Variants in CBFA2T2 observed in about 807,000 individuals in gnomAD.
CBFA2T2 encodes CBFA2/RUNX1 partner transcriptional co-repressor 2, also known as protein CBFA2T2.
A neutral mutation model predicts 62.2 loss-of-function variants in CBFA2T2; 11 were observed. The ratio of observed to expected loss-of-function variants is 0.18; its 90% CI spans 0.11 to 0.29. CBFA2T2 has a LOEUF of 0.29. Ranked by LOEUF, CBFA2T2 falls within the 10% of genes least tolerant of loss-of-function variation. The pLI is 1.00. For synonymous variants in CBFA2T2, 295 were observed against 287.5 expected, an observed-to-expected ratio of 1.03 and a Z score of -0.27; for missense variants, 592 against 774.1, an observed-to-expected ratio of 0.76 and a Z score of 2.79.
In CBFA2T2 at chr20:33,502,004, G is replaced by A. The variant is rs2011293928; in HGVS notation, c.34+11703G>A. Among the ~76,000 whole-genome samples, 3 of 152,220 alleles carry A rather than the reference G, an allele frequency of 2.0e-5. No homozygotes were observed. The South Asian group carries it at 6.2e-4, about 32-fold the overall frequency. On this transcript the variant is annotated intron_variant, in intron 1 of 10. Transcript: ENST00000342704. ...GAGGTCTCACTTTGTTGCCCAGGCTGATCTCAAACTCCTGGGCTCAAGTTA... is the reference window on the plus strand; with the variant it reads ...GAGGTCTCACTTTGTTGCCCAGGCTAATCTCAAACTCCTGGGCTCAAGTTA...
chr20:33,550,437 C>G (rs1291580827), intron 1 of CBFA2T2, among the ~76,000 whole-genome samples: 2 of 152,078 alleles, frequency 1.3e-5, no homozygotes, highest in Admixed American at 1.3e-4. Flanking sequence ...TAAGCTAATG[C>G]TTTGTGGTTT....
At chr20:33,494,514 C>T (rs1280326897) in intron 1 of CBFA2T2, among the ~76,000 whole-genome samples, 2 of 149,294 alleles carry the variant, frequency 1.3e-5, no homozygotes, top group African/African-American at 4.9e-5. Context: ...ATCTGCTGAC[C>T]TCGTGATCCG....
chr20:33,514,413 C>T (rs937572054), intron 1 of CBFA2T2, among the ~76,000 whole-genome samples: 3 of 151,640 alleles, frequency 2.0e-5, no homozygotes, highest in East Asian at 1.9e-4. Context: ...CGGGGTTTCA[C>T]CATGTCTGGA....
rs528639119 is a variant in CBFA2T2 at position 33,565,205 on chromosome 20, C to T, written c.35-41751C>T. The stretch of plus-strand genomic sequence containing the variant: ...AAGTGCTGGGATTGTAGGTGTGAGC[C>T]ACTGCGCCCGGCTCCAAGTTTTCTT... On this transcript the variant is annotated intron_variant, in intron 1 of 10. Transcript: ENST00000342704. Among the ~76,000 whole-genome samples the T allele has an allele frequency of 1.7e-3, 253 of 152,310 alleles. 1 individual carries two copies. Among genetic ancestry groups the T allele is most frequent in the African/African-American group, 5.9e-3 (244 of 41,570 alleles).
At chr20:33,520,886 A>G (rs2011709527) in intron 1 of CBFA2T2, among the ~76,000 whole-genome samples, 1 of 151,568 alleles carries the variant, frequency 6.6e-6, no homozygotes, top group East Asian at 1.9e-4. Context: ...TCAGGAAATA[A>G]TCACTGTTTT....
intron 1 of CBFA2T2, among the ~76,000 whole-genome samples, chr20:33,518,939 A>G (rs1302918647): frequency 5.3e-5 from 8 of 151,862 alleles, no homozygotes; most frequent in Non-Finnish European, 1.2e-4. Context: ...CTCCTCCCTC[A>G]GCCTCCCAAG....
chr20:33,603,556 G>A (rs944077906), intron 1 of CBFA2T2, among the ~76,000 whole-genome samples: 1 of 152,126 alleles, frequency 6.6e-6, no homozygotes, highest in African/African-American at 2.4e-5. Context: ...AACTCATAGG[G>A]TGACTAAATT....
At chr20:33,627,403 G>A (rs925914503) in intron 6 of CBFA2T2, among the ~76,000 whole-genome samples, 13 of 151,816 alleles carry the variant, frequency 8.6e-5, no homozygotes, top group African/African-American at 2.4e-4. Flanking sequence ...CAAGGGGGGG[G>A]AAAAAAACTG....
intron 1 of CBFA2T2, among the ~76,000 whole-genome samples, chr20:33,568,898 G>A (rs770903780): frequency 1.3e-5 from 2 of 152,218 alleles, no homozygotes; most frequent in South Asian, 2.1e-4. Context: ...CTCAGTTGGC[G>A]CTACAACTGT....
chr20:33,603,785 T>C (rs1257487715), intron 1 of CBFA2T2, among the ~76,000 whole-genome samples: 1 of 152,204 alleles, frequency 6.6e-6, no homozygotes, highest in Non-Finnish European at 1.5e-5. Flanking sequence ...TTTAATGGGA[T>C]CCAGCTAGAA....
In CBFA2T2 at chr20:33,619,505, T is replaced by A; in HGVS notation, c.421-12T>A. 1 of 1,539,650 alleles carries A rather than the reference T, an allele frequency of 6.5e-7. No individual in the cohort carries two copies. Among genetic ancestry groups the A allele is most frequent in the South Asian group, 1.2e-5 (1 of 80,774 alleles). On this transcript the variant is annotated splice_polypyrimidine_tract_variant and intron_variant, in intron 3 of 10. Coordinates refer to ENST00000342704, the MANE Select transcript of CBFA2T2 (RefSeq NM_001032999.3). ...AGTTTTGGAAGTTGAACAAGGTTAT[T>A]TATCTTTTCAGAACTCAACAGTGAC...
In CBFA2T2 at chr20:33,621,287, C is replaced by CTTTTTTTTTTTT. The variant is rs199805350; in HGVS notation, c.510+1696_510+1707dup. On this transcript the variant is annotated intron_variant, in intron 4 of 10. Coordinates refer to ENST00000342704, the MANE Select transcript of CBFA2T2 (RefSeq NM_001032999.3). ...TCTATAATACCTTTAATTTTACTGCCTTTTTTTTTTTTTTTTTTTTTTTTT... is the reference window on the plus strand; with the variant it reads ...TCTATAATACCTTTAATTTTACTGCCTTTTTTTTTTTTTTTTTTTTTTTTTTTTTTTTTTTTT... 7.6e-4 allele frequency among the ~76,000 whole-genome samples: 65 copies of CTTTTTTTTTTTT among 85,296 alleles called. 3 individuals are homozygous for CTTTTTTTTTTTT. Among genetic ancestry groups the CTTTTTTTTTTTT allele is most frequent in the African/African-American group, 1.7e-3 (33 of 19,294 alleles). The allele number at this position is 85,296 out of a possible 152,430, so 56.0% of individuals were successfully genotyped here.
At chr20:33,607,741 C>T (rs1021548098) in intron 2 of CBFA2T2, among the ~76,000 whole-genome samples, 19 of 152,126 alleles carry the variant, frequency 1.2e-4, no homozygotes, top group South Asian at 2.1e-4. Flanking sequence ...TTAGGGACTA[C>T]TCATAATACC....
At chr20:33,491,019 C>T (rs1427902573) in intron 1 of CBFA2T2, among the ~76,000 whole-genome samples, 1 of 152,194 alleles carries the variant, frequency 6.6e-6, no homozygotes, top group Admixed American at 6.6e-5. Flanking sequence ...GTTTTGTTGT[C>T]TGTTAGTCCT....
intron 1 of CBFA2T2, among the ~76,000 whole-genome samples, chr20:33,590,938 G>A (rs977404493): frequency 8.6e-5 from 13 of 152,040 alleles, no homozygotes; most frequent in Non-Finnish European, 1.5e-5. Flanking sequence ...ACTTTGGGAG[G>A]CCGAGGCAGG....
At chr20:33,594,803 A>G (rs2014816421) in intron 1 of CBFA2T2, among the ~76,000 whole-genome samples, 1 of 152,150 alleles carries the variant, frequency 6.6e-6, no homozygotes, top group African/African-American at 2.4e-5. Context: ...CACACCTTTA[A>G]GTGGTTGGGA....
chr20:33,579,084 G>T (rs2013977263), intron 1 of CBFA2T2, among the ~76,000 whole-genome samples: 1 of 149,202 alleles, frequency 6.7e-6, no homozygotes, highest in Admixed American at 6.8e-5. Flanking sequence ...CCCAATGAGT[G>T]CCTTTTTGGT....
chr20:33,513,458 C>T (rs1475121363), intron 1 of CBFA2T2, among the ~76,000 whole-genome samples: 2 of 151,436 alleles, frequency 1.3e-5, no homozygotes, highest in Non-Finnish European at 2.9e-5. Context: ...CTCTCAGGTT[C>T]AAGCGATTCT....
At chr20:33,554,195 G>C (rs1301607709) in intron 1 of CBFA2T2, among the ~76,000 whole-genome samples, 1 of 150,956 alleles carries the variant, frequency 6.6e-6, no homozygotes, top group Non-Finnish European at 1.5e-5. Flanking sequence ...CAAGTAAGGA[G>C]TTATTACAAT....
Sources: allele counts gnomAD v4.1 joint callset (sites outside exome capture counted in the v4.1 genomes callset), GRCh38; gene constraint gnomAD v4.1.1; transcripts MANE v1.5; gene names NCBI Gene and HGNC (gene_info 2026-07-23, HGNC 2026-07-21).